The following EML4 variants were observed in gnomAD, a reference collection of about 807,000 sequenced individuals.
EML4 encodes the protein echinoderm microtubule-associated protein-like 4.
EML4 carries 72 observed loss-of-function variants against 129.0 expected under a neutral mutation model. The observed-to-expected ratio is 0.56, with a 90% CI of 0.46 to 0.68. The LOEUF is 0.68. EML4 is among the 30% of genes least tolerant of loss of function. The pLI is 0.00. For missense variants in EML4, 1,363 were observed against 1,190.6 expected (o/e 1.14, Z -2.13); for synonymous variants, 532 against 405.0 (o/e 1.31, Z -3.77).
chr2:42,186,852 A>G (rs150149902), intron 1 of EML4, among the ~76,000 whole-genome samples: 34 of 152,176 alleles, frequency 2.2e-4, no homozygotes, highest in African/African-American at 2.4e-4. Flanking sequence ...TAGGAGTACA[A>G]TGGGTCTTTA....
At chr2:42,329,090 A>G in intron 22 of EML4, 74 bp downstream of exon 22, 1 of 1,461,976 alleles carries the variant, frequency 6.8e-7, no homozygotes, top group Non-Finnish European at 9.3e-7. Flanking sequence ...ATAGCAAGAA[A>G]ATATAGGTTA....
intron 7 of EML4, 123 bp from the exon 8 acceptor site, chr2:42,282,700 A>G (rs1667078247): frequency 1.1e-6 from 1 of 869,588 alleles, no homozygotes; most frequent in Admixed American, 2.3e-5. Flanking sequence ...CCAGGACATG[A>G]GTTTTCTAGT....
intron 21 of EML4, among the ~76,000 whole-genome samples, chr2:42,328,476 A>T (rs1669927176): frequency 6.6e-6 from 1 of 152,190 alleles, no homozygotes; most frequent in South Asian, 2.1e-4. Flanking sequence ...CCTAGACTCC[A>T]CTTCGAAGAC....
intron 1 of EML4, among the ~76,000 whole-genome samples, chr2:42,197,735 G>A (rs1045876873): frequency 6.6e-6 from 1 of 152,140 alleles, no homozygotes; most frequent in Non-Finnish European, 1.5e-5. Flanking sequence ...CAGTAAACGT[G>A]TAGCAAAATA....
chr2:42,316,235 T>G (rs976757429), intron 18 of EML4, among the ~76,000 whole-genome samples, 185 bp downstream of exon 18: 1 of 152,256 alleles, frequency 6.6e-6, no homozygotes, highest in African/African-American at 2.4e-5. Context: ...TGCTGAAGTT[T>G]AAACAACATT....
Position 42,245,880 on chromosome 2 carries a change from A to T in EML4, c.208+193A>T, listed in dbSNP as rs185334900. The stretch of plus-strand genomic sequence containing the variant: ...TATTTAAAATAAAGAATTTTTGTGT[A>T]ATCCACTGATTATACTCACAGGTTT... On this transcript the variant is annotated intron_variant, in intron 2 of 22. Coordinates refer to ENST00000318522, the MANE Select transcript of EML4 (RefSeq NM_019063.5). Among the ~76,000 whole-genome samples the T allele has an allele frequency of 7.3e-4, 111 of 152,260 alleles. 3 individuals are homozygous for T. The East Asian group carries it at 7.7e-3, about 11-fold the overall frequency.
At chr2:42,311,394 C>G (rs1668939762) in intron 17 of EML4, among the ~76,000 whole-genome samples, 1 of 152,112 alleles carries the variant, frequency 6.6e-6, no homozygotes, top group Non-Finnish European at 1.5e-5. Context: ...AACCCCTCCT[C>G]TACAAAAAAT....
chr2:42,216,010 T>A (rs1008284369), intron 1 of EML4, among the ~76,000 whole-genome samples: 1 of 151,424 alleles, frequency 6.6e-6, no homozygotes, highest in Non-Finnish European at 1.5e-5. Context: ...AACCTCCACC[T>A]TCTGGTTGAA....
chr2:42,241,042 G>A (rs534855989), intron 1 of EML4, among the ~76,000 whole-genome samples: 33 of 152,084 alleles, frequency 2.2e-4, no homozygotes, highest in Admixed American at 2.6e-4. Flanking sequence ...CAGCTACTCC[G>A]AGCCTCAGCT....
At chr2:42,237,273 A>G (rs1048754651) in intron 1 of EML4, among the ~76,000 whole-genome samples, 12 of 152,160 alleles carry the variant, frequency 7.9e-5, no homozygotes, top group African/African-American at 2.7e-4. Context: ...TGTTACAGCT[A>G]TCTTTCCCAT....
chr2:42,307,148 CTG>C (rs1668652797), intron 17 of EML4, among the ~76,000 whole-genome samples: 2 of 152,320 alleles, frequency 1.3e-5, no homozygotes, highest in South Asian at 2.1e-4. Context: ...GAAGAAAACA[CTG>C]TGTGTTTACA....
At chr2:42,218,430 A>G (rs1257011651) in intron 1 of EML4, among the ~76,000 whole-genome samples, 1 of 152,076 alleles carries the variant, frequency 6.6e-6, no homozygotes, top group East Asian at 1.9e-4. Context: ...TGTTTGAATG[A>G]TCCCAGCCCT....
chr2:42,255,859 T>A (rs915056087), intron 2 of EML4, among the ~76,000 whole-genome samples: 7 of 152,216 alleles, frequency 4.6e-5, no homozygotes, highest in African/African-American at 1.7e-4. Context: ...TAGATATTAC[T>A]TGTGTGCACG....
intron 18 of EML4, 37 bp downstream of exon 18, chr2:42,316,087 T>A: frequency 7.5e-7 from 1 of 1,336,704 alleles, no homozygotes; most frequent in Non-Finnish European, 1.1e-6. Flanking sequence ...AGCATGGCAT[T>A]CACAGCACTT....
At chr2:42,180,438 C>CT (rs1158853212) in intron 1 of EML4, among the ~76,000 whole-genome samples, 1 of 152,198 alleles carries the variant, frequency 6.6e-6, no homozygotes, top group Non-Finnish European at 1.5e-5. Context: ...CCACTCTGGA[C>CT]TTGCATTCCA....
intron 1 of EML4, among the ~76,000 whole-genome samples, chr2:42,240,401 T>C (rs1674947775): frequency 6.6e-6 from 1 of 152,232 alleles, no homozygotes; most frequent in Admixed American, 6.5e-5. Flanking sequence ...ACTTCACAAC[T>C]TCTTTCTGTG....
Position 42,295,429 on chromosome 2 carries a change from G to A in EML4, c.1402G>A (p.Gly468Arg), listed in dbSNP as rs1343232776. Residue 468 changes from glycine (G) to arginine (R), a missense_variant, in exon 13 of 23, where the codon GGA (glycine) becomes AGA (arginine). Coordinates refer to ENST00000318522, the MANE Select transcript of EML4 (RefSeq NM_019063.5). ...GCAGTGTTTAGCATTCTTGGGGAAT[G>A]GAGATGTTCTTACTGGAGACTCAGG... Reference protein sequence around the residue: ...FVQCLAFLGNGDVLTGDSGGV... With the variant: ...FVQCLAFLGNRDVLTGDSGGV... The A allele has an allele frequency of 1.2e-6, 2 of 1,613,952 alleles. No individual in the cohort carries two copies. The highest frequency in any genetic ancestry group is 4.5e-5 in the East Asian group (2 of 44,860).
At chr2:42,276,257 G>A (rs1267833233) in intron 6 of EML4, among the ~76,000 whole-genome samples, 1 of 152,062 alleles carries the variant, frequency 6.6e-6, no homozygotes, top group Non-Finnish European at 1.5e-5. Context: ...AAATTGGCAG[G>A]TTTCACAATA....
intron 6 of EML4, among the ~76,000 whole-genome samples, chr2:42,278,349 G>A (rs186184729): frequency 6.6e-6 from 1 of 152,038 alleles, no homozygotes; most frequent in African/African-American, 2.4e-5. Flanking sequence ...GAGGGGGCGC[G>A]GATCACTTGA....
Sources: gnomAD v4.1 joint callset for allele counts (sites outside exome capture counted in the v4.1 genomes callset) on GRCh38, gnomAD v4.1.1 for gene constraint, MANE v1.5 for transcripts, NCBI Gene and HGNC (gene_info 2026-07-23, HGNC 2026-07-21) for gene names.